The following MX1 variants were observed in gnomAD, a reference collection of about 807,000 sequenced individuals.
MX1 encodes the protein interferon-induced GTP-binding protein Mx1.
Under a neutral mutation model 66.4 loss-of-function variants are expected in MX1, and 66 were observed. That is an observed-to-expected ratio of 0.99 (90% confidence interval 0.82 to 1.22). The LOEUF (loss-of-function observed/expected upper bound fraction) is 1.22, where lower values mean the gene tolerates loss of function less well. Among genes scored for constraint, MX1 ranks in the 50% most tolerant of loss-of-function variants. MX1 has a pLI of 0.00. For missense variants in MX1, 787 were observed against 834.3 expected, an observed-to-expected ratio of 0.94 and a Z score of 0.70; for synonymous variants, 311 against 318.1, an observed-to-expected ratio of 0.98 and a Z score of 0.24.
At position 41,441,474 on chromosome 21, in the gene MX1, G is replaced by T. The variant is rs576967809; in HGVS notation, c.731-242G>T. The T allele has an allele frequency of 8.8e-6, 5 of 567,892 alleles. No homozygotes were observed. Among genetic ancestry groups the T allele is most frequent in the South Asian group, 2.0e-5 (1 of 48,962 alleles). The allele number at this position is 567,892 out of a possible 1,614,324, so 35.2% of individuals were successfully genotyped here. On this transcript the variant is annotated intron_variant, in intron 9 of 16. Transcript: ENST00000398598. This position sits in a 1 kb window ranked among gnomAD's most constrained non-coding sequence, Gnocchi z 4.0. ...ACGTGGCGTGTTCTACAGTGGACCC[G>T]GGTGAAGGAGCTTGGGGAGAGCCAC...
rs765470401 is a variant in MX1, at chr21:41,439,785, A to G, written c.528A>G (p.Leu176=). ...ISSRDVPDLT[L]IDLPGITRVA... ...CCCGAGATGTCCCGGATCTGACTCT[A>G]ATAGACCTTCCTGGCATAACCAGAG... Residue 176 remains leucine, a synonymous_variant, in exon 8 of 17, where the codon CTA becomes CTG. Coordinates refer to ENST00000398598, the MANE Select transcript of MX1 (RefSeq NM_002462.5). 3.7e-6 allele frequency: 6 copies of G among 1,614,044 alleles called. No individual in the cohort carries two copies. The East Asian group carries it at 1.3e-4, about 36-fold the overall frequency.
At chr21:41,447,468 C>A (rs1203152254) in intron 13 of MX1, among the ~76,000 whole-genome samples, 1 of 152,186 alleles carries the variant, frequency 6.6e-6, no homozygotes, top group African/African-American at 2.4e-5. Context: ...TGCTGGTCCA[C>A]AGCACCCCAT....
rs182413451 is a variant in MX1 at position 41,432,094 on chromosome 21, C to T, written c.24C>T (p.Ile8=). The T allele has an allele frequency of 1.4e-4, 222 of 1,614,132 alleles. 2 individuals carry two copies. In the Middle Eastern group the frequency reaches 3.5e-3, roughly 25 times the overall value. The change falls in exon 5 of 17, where the codon ATC becomes ATT. Residue 8 remains isoleucine, a synonymous_variant. Coordinates refer to ENST00000398598, the MANE Select transcript of MX1 (RefSeq NM_002462.5). MVVSEVD[I]AKADPAAASH... ...AGATGGTTGTTTCCGAAGTGGACAT[C>T]GCAAAAGCTGATCCAGCTGCTGCAT...
chr21:41,427,807 A>C lies in MX1; in HGVS notation c.-157A>C, dbSNP rs2090102755. 6.6e-6 allele frequency: 1 copy of C among 152,230 alleles called. No homozygotes were observed. Among genetic ancestry groups the C allele is most frequent in the African/African-American group, 2.4e-5 (1 of 41,440 alleles). The allele number at this position is 152,230 out of a possible 1,614,324, so 9.4% of individuals were successfully genotyped here. A position where few individuals can be genotyped will look rare whatever the true frequency, so the allele number is the denominator to read the frequency against. On this transcript the variant is annotated 5_prime_UTR_variant, in exon 3 of 17. Coordinates refer to ENST00000398598, the MANE Select transcript of MX1 (RefSeq NM_002462.5). Reference sequence around the variant, plus strand: ...TCGGTTCTGGGTCGGAGGCTACAGGAAGACTCCCACTCCCTGAAATCTGGA... The same window carrying C: ...TCGGTTCTGGGTCGGAGGCTACAGGCAGACTCCCACTCCCTGAAATCTGGA...
rs893067398 is a variant in MX1 at position 41,447,925 on chromosome 21, T to G, written c.1274-1212T>G. 3.9e-5 allele frequency among the ~76,000 whole-genome samples: 6 copies of G among 152,182 alleles called. No homozygotes were observed. In the East Asian group the frequency reaches 9.6e-4, roughly 24 times the overall value. On this transcript the variant is annotated intron_variant, in intron 13 of 16. Transcript: ENST00000398598. ...TTGTATTTTTAGTAGAGATGGGGTTTCACCATGTTGGCCAGGCTGGTCTCG... is the reference window on the plus strand; with the variant it reads ...TTGTATTTTTAGTAGAGATGGGGTTGCACCATGTTGGCCAGGCTGGTCTCG...
At chr21:41,435,145 T>C (rs908797734) in intron 5 of MX1, among the ~76,000 whole-genome samples, 1 of 152,342 alleles carries the variant, frequency 6.6e-6, no homozygotes, top group African/African-American at 2.4e-5. Flanking sequence ...TTCTCATTTG[T>C]GTCCCTCTGC....
upstream of MX1, among the ~76,000 whole-genome samples, chr21:41,425,460 G>C (rs76282932): frequency 3.0e-4 from 45 of 152,278 alleles, no homozygotes; most frequent in Non-Finnish European, 6.3e-4. Flanking sequence ...AATGTCATCA[G>C]TTAAGGCTGT....
In MX1 at chr21:41,441,061, A is replaced by G. The variant is rs201824045; in HGVS notation, c.730+36A>G. Reference sequence around the variant, plus strand: ...GGGAGCCCCACTGTGCTCAGTGAGAATGGGGGAGCCCGCCTGTGCTCGGTG... The same window carrying G: ...GGGAGCCCCACTGTGCTCAGTGAGAGTGGGGGAGCCCGCCTGTGCTCGGTG... On this transcript the variant is annotated intron_variant, in intron 9 of 16. Transcript: ENST00000398598. The surrounding 1 kb of genome is among the most constrained non-coding windows in gnomAD (Gnocchi z 4.0). 3.3e-4 allele frequency: 500 copies of G among 1,511,914 alleles called. 8 individuals carry two copies. In the South Asian group the frequency reaches 5.3e-3, roughly 16 times the overall value. 93.7% of individuals were successfully genotyped at this position (1,511,914 alleles called of 1,614,324 possible). A position where few individuals can be genotyped will look rare whatever the true frequency, so the allele number is the denominator to read the frequency against.
chr21:41,441,013 G>A lies in MX1; in HGVS notation c.718G>A (p.Asp240Asn). Residue 240 changes from aspartate (D) to asparagine (N), a missense_variant, in exon 9 of 17, where the codon GAC becomes AAC. Physicochemically the swap from Asp to Asn is conservative, Grantham distance 23. Coordinates refer to ENST00000398598, the MANE Select transcript of MX1 (RefSeq NM_002462.5). The surrounding 1 kb of genome is among the most constrained non-coding windows in gnomAD (Gnocchi z 4.0). ...SMAQEVDPEG[D>N]RTIGILTKPD... ...GGCCCAGGAGGTGGACCCCGAGGGA[G>A]ACAGGACCATCGGTGAGAGTGGGGG... 6.2e-7 allele frequency: 1 copy of A among 1,613,966 alleles called. No homozygotes were observed. Among genetic ancestry groups the A allele is most frequent in the Non-Finnish European group, 8.5e-7 (1 of 1,180,004 alleles).
At chr21:41,436,860 C>T (rs2090377360) in intron 6 of MX1, among the ~76,000 whole-genome samples, 155 bp from the exon 7 acceptor site, 2 of 152,134 alleles carry the variant, frequency 1.3e-5, no homozygotes, top group Non-Finnish European at 2.9e-5. Flanking sequence ...AGACACAGTG[C>T]GATGTCCCCG....
intron 11 of MX1, among the ~76,000 whole-genome samples, chr21:41,444,310 TTTTC>T (rs2090600064): frequency 1.4e-5 from 2 of 143,456 alleles, no homozygotes; most frequent in Non-Finnish European, 1.5e-5. Context: ...TTTTCTTTTC[TTTTC>T]TTTCTTTTTT....
intron 7 of MX1, among the ~76,000 whole-genome samples, chr21:41,437,929 T>A (rs1054324470): frequency 6.6e-6 from 1 of 152,176 alleles, no homozygotes; most frequent in African/African-American, 2.4e-5. Flanking sequence ...ATGGCAGGCC[T>A]CCATAAATGC....
At chr21:41,450,250 C>T (rs2090786741) in intron 14 of MX1, among the ~76,000 whole-genome samples, 1 of 152,078 alleles carries the variant, frequency 6.6e-6, no homozygotes, top group African/African-American at 2.4e-5. Context: ...CTAGGTGTGT[C>T]ACGGATAGGT....
chr21:41,448,179 G>C (rs895238744), intron 13 of MX1, among the ~76,000 whole-genome samples: 2 of 152,178 alleles, frequency 1.3e-5, no homozygotes. Flanking sequence ...TTCTGATGGG[G>C]CTAACTCTCT....
intron 6 of MX1, among the ~76,000 whole-genome samples, chr21:41,436,673 G>A (rs1044619472): frequency 2.0e-5 from 3 of 152,136 alleles, no homozygotes; most frequent in Non-Finnish European, 4.4e-5. Flanking sequence ...GTGTATGCTG[G>A]GGGGATAATG....
rs374312150 is a variant in MX1 at position 41,448,996 on chromosome 21, T to C, written c.1274-141T>C. ...TGTGTGTGTAATCCCTGGATATTTTTAGTTTACCAGTTAGATTTGATTTGA... is the reference window on the plus strand; with the variant it reads ...TGTGTGTGTAATCCCTGGATATTTTCAGTTTACCAGTTAGATTTGATTTGA... On this transcript the variant is annotated intron_variant, in intron 13 of 16. Transcript: ENST00000398598. 1.5e-4 allele frequency: 89 copies of C among 604,108 alleles called. 1 individual carries two copies. Among genetic ancestry groups the C allele is most frequent in the Middle Eastern group, 1.4e-3 (3 of 2,196 alleles). 37.4% of individuals were successfully genotyped at this position (604,108 alleles called of 1,614,324 possible).
chr21:41,425,807 C>T (rs1192053222), upstream of MX1, among the ~76,000 whole-genome samples: 1 of 152,092 alleles, frequency 6.6e-6, no homozygotes, highest in Non-Finnish European at 1.5e-5. Flanking sequence ...AGGGGCTCTG[C>T]AGCCATTGGC....
intron 16 of MX1, among the ~76,000 whole-genome samples, chr21:41,456,865 G>A (rs1160951577): frequency 6.6e-6 from 1 of 152,102 alleles, no homozygotes; most frequent in African/African-American, 2.4e-5. Flanking sequence ...GAGATCAAGC[G>A]ATTCTCCTGC....
At chr21:41,442,042 C>A in intron 10 of MX1, 128 bp downstream of exon 10, 2 of 743,778 alleles carry the variant, frequency 2.7e-6, no homozygotes, top group Non-Finnish European at 4.4e-6. Flanking sequence ...TGTGTGTGCG[C>A]GTGTGTGTGT....
Sources: gnomAD v4.1 joint callset for allele counts (sites outside exome capture counted in the v4.1 genomes callset) on GRCh38, gnomAD v4.1.1 for gene constraint, Gnocchi (gnomAD v3.1) non-coding constraint, MANE v1.5 for transcripts, NCBI Gene and HGNC (gene_info 2026-07-23, HGNC 2026-07-21) for gene names.